CORO2B: variants seen among roughly 807,000 people sequenced by gnomAD.
The protein encoded by CORO2B is coronin-2B.
A neutral mutation model predicts 58.8 loss-of-function variants in CORO2B; 26 were observed. That is an observed-to-expected ratio of 0.44 (90% confidence interval 0.32 to 0.61). The LOEUF (loss-of-function observed/expected upper bound fraction) is 0.61, where lower values mean the gene tolerates loss of function less well. Ranked by LOEUF, CORO2B falls within the 20% of genes least tolerant of loss-of-function variation. The pLI is 0.04. For missense variants in CORO2B, 460 were observed against 645.1 expected, an observed-to-expected ratio of 0.71 and a Z score of 3.11; for synonymous variants, 242 against 253.8, an observed-to-expected ratio of 0.95 and a Z score of 0.44.
At chr15:68,700,748 G>A (rs1596024580) in intron 3 of CORO2B, among the ~76,000 whole-genome samples, 1 of 152,232 alleles carries the variant, frequency 6.6e-6, no homozygotes, top group Non-Finnish European at 1.5e-5. Context: ...AGGGAAGGGC[G>A]CTATCGGTTT....
chr15:68,663,367 G>A (rs1902075840), intron 2 of CORO2B, among the ~76,000 whole-genome samples: 1 of 152,190 alleles, frequency 6.6e-6, no homozygotes, highest in African/African-American at 2.4e-5. Context: ...GAGCATAACT[G>A]TGGACACGCT....
rs1266278422 is a variant in CORO2B, at chr15:68,648,585, G to A, written c.216+3225G>A. Among the ~76,000 whole-genome samples the A allele has an allele frequency of 3.9e-5, 6 of 152,120 alleles. No homozygotes were observed. The East Asian group carries it at 7.7e-4, about 20-fold the overall frequency. On this transcript the variant is annotated intron_variant, in intron 2 of 11. Coordinates refer to ENST00000261861, the MANE Select transcript of CORO2B (RefSeq NM_006091.5). Reference sequence around the variant, plus strand: ...GAATGGTGTGAACCCAGGAGGTGGAGCTTGCAGTGAGCCAAGATTGCGCCA... The same window carrying A: ...GAATGGTGTGAACCCAGGAGGTGGAACTTGCAGTGAGCCAAGATTGCGCCA...
intron 1 of CORO2B, among the ~76,000 whole-genome samples, chr15:68,601,485 T>C (rs1290089912): frequency 6.6e-6 from 1 of 151,702 alleles, no homozygotes; most frequent in Non-Finnish European, 1.5e-5. Flanking sequence ...TGGTGTGAGG[T>C]GGGGATTGCG....
intron 8 of CORO2B, among the ~76,000 whole-genome samples, chr15:68,715,938 C>T (rs2140331046): frequency 6.6e-6 from 1 of 152,340 alleles, no homozygotes; most frequent in African/African-American, 2.4e-5. Context: ...CCAAATCACC[C>T]AATGAAACAC....
the CORO2B span, among the ~76,000 whole-genome samples, chr15:68,537,578 C>T: frequency 6.6e-6 from 1 of 152,024 alleles, no homozygotes; most frequent in Admixed American, 6.6e-5. Context: ...ATTTGCTGCA[C>T]CTGTCAACCC....
rs936748166 is a variant in CORO2B at position 68,726,378 on chromosome 15, C to T, written c.*404C>T. 1 of 270,424 alleles carries T rather than the reference C, an allele frequency of 3.7e-6. No individual in the cohort carries two copies. The highest frequency in any genetic ancestry group is 2.4e-5 in the African/African-American group (1 of 42,378). The allele number at this position is 270,424 out of a possible 1,614,324, so 16.8% of individuals were successfully genotyped here. ...CTGCCAGGACATCTCAGCACTCCCGCCTGGAGCTCTCAGCATCACTGAAGG... is the reference window on the plus strand; with the variant it reads ...CTGCCAGGACATCTCAGCACTCCCGTCTGGAGCTCTCAGCATCACTGAAGG... On this transcript the variant is annotated 3_prime_UTR_variant, in exon 12 of 12. Transcript: ENST00000261861.
rs543843917 is a variant in CORO2B at position 68,700,564 on chromosome 15, C to T, written c.333+5308C>T. Among the ~76,000 whole-genome samples the T allele has an allele frequency of 9.8e-5, 15 of 152,308 alleles. No individual in the cohort carries two copies. The South Asian group carries it at 3.1e-3, about 32-fold the overall frequency. The stretch of plus-strand genomic sequence containing the variant: ...CCATCCCGCCAGGGATCCAGCAGAA[C>T]ATACCCAGGCCCTTCCCCAGGGGCT... On this transcript the variant is annotated intron_variant, in intron 3 of 11. Transcript: ENST00000261861.
intron 2 of CORO2B, among the ~76,000 whole-genome samples, chr15:68,669,277 T>A (rs1902308130): frequency 6.6e-6 from 1 of 152,242 alleles, no homozygotes; most frequent in South Asian, 2.1e-4. Context: ...GCCTGTTCAC[T>A]GTGCTGAGGT....
At chr15:68,631,583 T>C (rs2140260384) in intron 1 of CORO2B, among the ~76,000 whole-genome samples, 1 of 152,276 alleles carries the variant, frequency 6.6e-6, no homozygotes, top group South Asian at 2.1e-4. Context: ...AGACTTCCTG[T>C]GCATTCCAGC....
chr15:68,721,081 C>T (rs961331985), intron 11 of CORO2B, among the ~76,000 whole-genome samples: 1 of 151,960 alleles, frequency 6.6e-6, no homozygotes, highest in Non-Finnish European at 1.5e-5. Context: ...AGGGTTTCAC[C>T]ATGTTTGCCA....
intron 2 of CORO2B, among the ~76,000 whole-genome samples, chr15:68,672,193 T>G (rs961431050): frequency 2.0e-5 from 3 of 152,056 alleles, no homozygotes; most frequent in East Asian, 3.9e-4. Context: ...TGTACTTTTT[T>G]GGTGTTTTTC....
chr15:68,622,197 A>G (rs527954454), intron 1 of CORO2B, among the ~76,000 whole-genome samples: 2 of 152,338 alleles, frequency 1.3e-5, no homozygotes, highest in East Asian at 3.9e-4. Flanking sequence ...GGTGCTCGGT[A>G]CATTCACGAC....
At chr15:68,558,291 G>A in the CORO2B span, among the ~76,000 whole-genome samples, 1 of 152,162 alleles carries the variant, frequency 6.6e-6, no homozygotes, top group Non-Finnish European at 1.5e-5. Context: ...CCCCTGCCTG[G>A]CAGGCCCAGG....
At chr15:68,634,987 G>A (rs1477233032) in intron 1 of CORO2B, among the ~76,000 whole-genome samples, 1 of 152,174 alleles carries the variant, frequency 6.6e-6, no homozygotes, top group Admixed American at 6.5e-5. Context: ...ACATTTCCTA[G>A]CTCATTCCCA....
At chr15:68,636,031 C>G (rs8026124) in intron 1 of CORO2B, among the ~76,000 whole-genome samples, 7,808 of 152,290 alleles carry the variant, frequency 0.051, 364 homozygotes, top group Middle Eastern at 0.12. Flanking sequence ...AATCAGATCC[C>G]AGCTCCTCCA....
At chr15:68,588,633 C>T (rs76624645) in intron 1 of CORO2B, among the ~76,000 whole-genome samples, 25 of 152,302 alleles carry the variant, frequency 1.6e-4, no homozygotes, top group African/African-American at 6.0e-4. Context: ...GCCCCCAGCG[C>T]TCAGACCTGC....
intron 2 of CORO2B, among the ~76,000 whole-genome samples, chr15:68,663,422 A>C (rs1324977032): frequency 6.6e-6 from 1 of 152,228 alleles, no homozygotes; most frequent in East Asian, 1.9e-4. Flanking sequence ...AAATCCCTAG[A>C]ATTTAAATGG....
At chr15:68,544,573 C>T in the CORO2B span, among the ~76,000 whole-genome samples, 1 of 152,164 alleles carries the variant, frequency 6.6e-6, no homozygotes, top group Non-Finnish European at 1.5e-5. Flanking sequence ...CAACTTACCA[C>T]CAGGAGGCAG....
At chr15:68,623,055 C>G (rs1900571616) in intron 1 of CORO2B, among the ~76,000 whole-genome samples, 2 of 152,108 alleles carry the variant, frequency 1.3e-5, no homozygotes, top group African/African-American at 4.8e-5. Flanking sequence ...ATCTCAGCTA[C>G]TCTGGAGACT....
Sources: gnomAD v4.1 joint callset for allele counts (sites outside exome capture counted in the v4.1 genomes callset) on GRCh38, gnomAD v4.1.1 for gene constraint, MANE v1.5 for transcripts, NCBI Gene and HGNC (gene_info 2026-07-23, HGNC 2026-07-21) for gene names.